Variants in GALNT2 observed in about 807,000 individuals in gnomAD.
GALNT2 encodes the protein UDP-GalNAc:polypeptide N-acetylgalactosaminyltransferase 2.
In GALNT2, 31 loss-of-function variants were observed where a neutral mutation model predicts 81.4. The observed-to-expected ratio is 0.38, with a 90% CI of 0.29 to 0.51. The LOEUF (loss-of-function observed/expected upper bound fraction) is 0.51, where lower values mean the gene tolerates loss of function less well. GALNT2 is among the 20% of genes least tolerant of loss of function. The pLI is 0.87. For missense variants in GALNT2, 629 were observed against 765.7 expected, an observed-to-expected ratio of 0.82 and a Z score of 2.11; for synonymous variants, 303 against 287.4, an observed-to-expected ratio of 1.05 and a Z score of -0.55.
chr1:230,203,249 G>A lies in GALNT2; in HGVS notation c.333G>A (p.Lys111=). The A allele has an allele frequency of 1.2e-6, 2 of 1,614,190 alleles. No homozygotes were observed. The highest frequency in any genetic ancestry group is 1.1e-5 in the South Asian group (1 of 91,082). ...AGTTCAACCAGGTGGAGAGTGATAA[G>A]CTTCGAATGGACAGAGCCATCCCTG... ...RNKFNQVESD[K]LRMDRAIPDT... The change falls in exon 3 of 16, where the codon AAG becomes AAA. Residue 111 remains lysine (K), a synonymous_variant. Coordinates refer to ENST00000366672, the MANE Select transcript of GALNT2 (RefSeq NM_004481.5).
At chr1:230,083,217 C>G (rs571938037) in intron 1 of GALNT2, among the ~76,000 whole-genome samples, 102 of 132,184 alleles carry the variant, frequency 7.7e-4, no homozygotes, top group African/African-American at 2.9e-3. Flanking sequence ...AGCGGGGGGG[C>G]CAGGATGATG....
intron 14 of GALNT2, among the ~76,000 whole-genome samples, chr1:230,270,183 A>G (rs760452349): frequency 1.3e-5 from 2 of 152,232 alleles, no homozygotes; most frequent in Non-Finnish European, 2.9e-5. Context: ...CCTGGGTGAC[A>G]GTGTGAGATT....
intron 1 of GALNT2, among the ~76,000 whole-genome samples, chr1:230,105,031 G>T (rs1434479544): frequency 6.6e-6 from 1 of 152,220 alleles, no homozygotes; most frequent in African/African-American, 2.4e-5. Context: ...CCACACCTTC[G>T]GCTCTGTTTG....
chr1:230,225,396 C>T (rs115754799), intron 3 of GALNT2, among the ~76,000 whole-genome samples: 7,325 of 152,272 alleles, frequency 0.048, 210 homozygotes, highest in Non-Finnish European at 0.064. Context: ...GATGCATCCG[C>T]AGCCCAGTTT....
intron 1 of GALNT2, among the ~76,000 whole-genome samples, chr1:230,116,559 G>GT (rs894329453): frequency 6.6e-5 from 10 of 152,140 alleles, no homozygotes; most frequent in African/African-American, 1.2e-4. Flanking sequence ...AGACTTAAAG[G>GT]TTGAAATTAC....
chr1:230,262,468 C>T, intron 11 of GALNT2, 105 bp from the exon 12 acceptor site: 1 of 910,966 alleles, frequency 1.1e-6, no homozygotes, highest in Non-Finnish European at 1.8e-6. Flanking sequence ...AGCTGCTGCA[C>T]ACCCAGAGGG....
chr1:230,131,492 G>C (rs1401214251), intron 1 of GALNT2, among the ~76,000 whole-genome samples: 1 of 152,162 alleles, frequency 6.6e-6, no homozygotes, highest in Non-Finnish European at 1.5e-5. Context: ...TTATGACTTT[G>C]CCTGTAACCT....
At chr1:230,233,563 A>C (rs533209087) in intron 3 of GALNT2, among the ~76,000 whole-genome samples, 1 of 152,254 alleles carries the variant, frequency 6.6e-6, no homozygotes, top group African/African-American at 2.4e-5. Flanking sequence ...CAATGATCCG[A>C]GATTGTGCCT....
intron 1 of GALNT2, 68 bp downstream of exon 1, chr1:230,067,474 C>A: frequency 1.9e-6 from 1 of 514,948 alleles, no homozygotes; most frequent in Non-Finnish European, 2.7e-6. Flanking sequence ...CTGTCCCCTG[C>A]CCTCTCCGCG....
chr1:230,226,445 C>T (rs1664713912), intron 3 of GALNT2, among the ~76,000 whole-genome samples: 1 of 152,208 alleles, frequency 6.6e-6, no homozygotes, highest in African/African-American at 2.4e-5. Flanking sequence ...TTAATATGTT[C>T]CTTTGATTTT....
intron 3 of GALNT2, among the ~76,000 whole-genome samples, chr1:230,214,860 C>T (rs547217166): frequency 3.3e-5 from 5 of 152,254 alleles, no homozygotes; most frequent in South Asian, 2.1e-4. Flanking sequence ...TTTCTGTTGG[C>T]CTGCTTCCTG....
intron 3 of GALNT2, among the ~76,000 whole-genome samples, chr1:230,214,045 A>G (rs1664311296): frequency 6.6e-6 from 1 of 150,404 alleles, no homozygotes; most frequent in Non-Finnish European, 1.5e-5. Flanking sequence ...TTTCATTAGT[A>G]TTTCTATTAG....
At chr1:230,152,376 G>A (rs1325561706) in intron 1 of GALNT2, among the ~76,000 whole-genome samples, 10 of 152,092 alleles carry the variant, frequency 6.6e-5, no homozygotes, top group African/African-American at 2.4e-4. Flanking sequence ...TGAGGGCAAG[G>A]TTTTTCAAAT....
intron 1 of GALNT2, among the ~76,000 whole-genome samples, chr1:230,156,183 C>A (rs1008209179): frequency 7.0e-6 from 1 of 142,844 alleles, no homozygotes; most frequent in Non-Finnish European, 1.5e-5. Flanking sequence ...GGAGACGGTG[C>A]GGTTTTGGGA....
intron 1 of GALNT2, among the ~76,000 whole-genome samples, chr1:230,163,694 A>T (rs776410410): frequency 1.3e-5 from 2 of 152,226 alleles, no homozygotes; most frequent in African/African-American, 4.8e-5. Context: ...TCAGGATCAA[A>T]TGAGACGAAG....
Position 230,067,357 on chromosome 1 carries a change from G to T in GALNT2, c.77G>T (p.Gly26Val). The T allele has an allele frequency of 7.3e-7, 1 of 1,369,304 alleles. No individual in the cohort carries two copies. Among genetic ancestry groups the T allele is most frequent in the East Asian group, 3.3e-5 (1 of 30,526 alleles). 84.8% of individuals were successfully genotyped at this position (1,369,304 alleles called of 1,614,324 possible). A position where few individuals can be genotyped will look rare whatever the true frequency, so the allele number is the denominator to read the frequency against. The change falls in exon 1 of 16, where the codon GGG becomes GTG. Residue 26 changes from glycine to valine, a missense_variant. Transcript: ENST00000366672. ...VLGIAYYMYS[G>V]GGSALAGGAG... ...GGCATCGCCTACTACATGTACTCGG[G>T]GGGCGGCTCTGCGCTGGCCGGGGGC...
chr1:230,119,360 C>A (rs941527432), intron 1 of GALNT2, among the ~76,000 whole-genome samples: 3 of 152,136 alleles, frequency 2.0e-5, no homozygotes, highest in African/African-American at 7.2e-5. Context: ...TTCCTCCGTG[C>A]TCTGTTTCCT....
At chr1:230,139,026 A>C (rs924758351) in intron 1 of GALNT2, among the ~76,000 whole-genome samples, 1 of 152,196 alleles carries the variant, frequency 6.6e-6, no homozygotes, top group Admixed American at 6.5e-5. Context: ...ACCCTATTCA[A>C]GATGGAGTCA....
At chr1:230,269,454 G>A (rs1205417227) in intron 14 of GALNT2, among the ~76,000 whole-genome samples, 2 of 152,108 alleles carry the variant, frequency 1.3e-5, no homozygotes, top group East Asian at 3.9e-4. Flanking sequence ...CCAAAGTGCT[G>A]GGGTTACAGG....
Sources: gnomAD v4.1 joint callset for allele counts (sites outside exome capture counted in the v4.1 genomes callset) on GRCh38, gnomAD v4.1.1 for gene constraint, MANE v1.5 for transcripts, NCBI Gene and HGNC (gene_info 2026-07-23, HGNC 2026-07-21) for gene names.